The following G3BP1 variants were observed in gnomAD, a reference collection of about 807,000 sequenced individuals.
The protein encoded by G3BP1 is G3BP stress granule assembly factor 1, also known as ras GTPase-activating protein-binding protein 1.
In G3BP1, 35 loss-of-function variants were observed where a neutral mutation model predicts 58.6. That is an observed-to-expected ratio of 0.60 (90% confidence interval 0.46 to 0.79). The LOEUF is 0.79. Ranked by LOEUF, G3BP1 falls within the 30% of genes least tolerant of loss-of-function variation. The probability of loss-of-function intolerance (pLI) is 0.00; values close to 1 mark genes in which losing one functional copy is unlikely to be tolerated. For missense variants in G3BP1, 523 were observed against 580.8 expected (o/e 0.90, Z 1.02); for synonymous variants, 191 against 195.4 (o/e 0.98, Z 0.19).
intron 1 of G3BP1, among the ~76,000 whole-genome samples, chr5:151,786,249 A>G (rs1168853016): frequency 6.6e-6 from 1 of 152,226 alleles, no homozygotes; most frequent in African/African-American, 2.4e-5. Context: ...AGATCGCACC[A>G]CTGCACTCCA....
At position 151,810,783 on chromosome 5, in the gene G3BP1, A is replaced by G. The variant is rs1763007561; in HGVS notation, c.*6692A>G. ...CTGGAGATAGACCTTGAATTTAATAAATTTTAGGCACTATACCATTTCAGT... is the reference window on the plus strand; with the variant it reads ...CTGGAGATAGACCTTGAATTTAATAGATTTTAGGCACTATACCATTTCAGT... On this transcript the variant is annotated 3_prime_UTR_variant, in exon 12 of 12. Coordinates refer to ENST00000356245, the MANE Select transcript of G3BP1 (RefSeq NM_005754.3). The G allele has an allele frequency of 6.6e-6, 1 of 151,700 alleles. No individual in the cohort carries two copies. The highest frequency in any genetic ancestry group is 1.5e-5 in the Non-Finnish European group (1 of 67,988). 9.4% of individuals were successfully genotyped at this position (151,700 alleles called of 1,614,324 possible).
In G3BP1 at chr5:151,799,233, ACCAGTAAGAATCTTCCAC is replaced by A; in HGVS notation, c.769_786del (p.Lys257_Ser262del). The A allele has an allele frequency of 6.3e-7, 1 of 1,588,528 alleles. No individual in the cohort carries two copies. Among genetic ancestry groups the A allele is most frequent in the Non-Finnish European group, 8.6e-7 (1 of 1,156,696 alleles). Reference sequence around the variant, plus strand: ...TTAGACATTTTCTTGGGCATCTGTGACCAGTAAGAATCTTCCACCCAGTGGAGCTGTTCCAGTTACTGG... The same window carrying A: ...TTAGACATTTTCTTGGGCATCTGTGACCAGTGGAGCTGTTCCAGTTACTGG... On this transcript the variant is annotated inframe_deletion, in exon 8 of 12. Transcript: ENST00000356245.
At chr5:151,774,134 C>T (rs1459430126) in intron 1 of G3BP1, among the ~76,000 whole-genome samples, 1 of 152,176 alleles carries the variant, frequency 6.6e-6, no homozygotes, top group Non-Finnish European at 1.5e-5. Context: ...TGCCCTACAT[C>T]CCTACCAAGT....
chr5:151,786,780 T>G, intron 2 of G3BP1, 65 bp downstream of exon 2: 2 of 936,682 alleles, frequency 2.1e-6, no homozygotes, highest in Non-Finnish European at 3.5e-6. Flanking sequence ...ATCTTTGAGA[T>G]TCTCCCACTC....
intron 4 of G3BP1, chr5:151,792,036 AT>A: frequency 2.2e-6 from 1 of 447,238 alleles, no homozygotes; most frequent in Non-Finnish European, 4.5e-6. Flanking sequence ...ATGGCAAAAT[AT>A]TTTCCAGGTT....
Position 151,800,888 on chromosome 5 carries a change from TG to T in G3BP1, c.1194+20del. The T allele has an allele frequency of 1.6e-6, 2 of 1,234,848 alleles. No homozygotes were observed. Among genetic ancestry groups the T allele is most frequent in the Non-Finnish European group, 2.3e-6 (2 of 855,674 alleles). 76.5% of individuals were successfully genotyped at this position (1,234,848 alleles called of 1,614,324 possible). A position where few individuals can be genotyped will look rare whatever the true frequency, so the allele number is the denominator to read the frequency against. Reference sequence around the variant, plus strand: ...CAACAGGGTAAGCAGCTTTTTGTCTTGATTTTTTTTTTTTTTTTTTAAAAAG... The same window carrying T: ...CAACAGGGTAAGCAGCTTTTTGTCTTATTTTTTTTTTTTTTTTTTAAAAAG... On this transcript the variant is annotated intron_variant, in intron 11 of 11. Coordinates refer to ENST00000356245, the MANE Select transcript of G3BP1 (RefSeq NM_005754.3).
Position 151,794,021 on chromosome 5 carries a change from A to G in G3BP1, c.352-138A>G, listed in dbSNP as rs537243450. 9 of 596,000 alleles carry G rather than the reference A, an allele frequency of 1.5e-5. No homozygotes were observed. In the South Asian group the frequency reaches 1.6e-4, roughly 11 times the overall value. The allele number at this position is 596,000 out of a possible 1,614,324, so 36.9% of individuals were successfully genotyped here. On this transcript the variant is annotated intron_variant, in intron 4 of 11. Coordinates refer to ENST00000356245, the MANE Select transcript of G3BP1 (RefSeq NM_005754.3). ...GCAAGACCCTGTCTCAGAACCCCAC[A>G]ACAACAAAAACTGAAATGTCTCCAG... is the stretch of plus-strand genomic sequence containing the variant.
chr5:151,774,024 C>A (rs533382229), intron 1 of G3BP1, among the ~76,000 whole-genome samples: 5 of 152,182 alleles, frequency 3.3e-5, no homozygotes, highest in Non-Finnish European at 7.3e-5. Flanking sequence ...ATGAAAATTA[C>A]GTGATTATTT....
rs905419087 is a variant in G3BP1 at position 151,811,067 on chromosome 5, C to T, written c.*6976C>T. ...ATCTGCTTCCATTTTTGTTATTCCC[C>T]ACATCCAGTCTTCAGCTAAGTCCTG... On this transcript the variant is annotated 3_prime_UTR_variant, in exon 12 of 12. Transcript: ENST00000356245. 1 of 152,184 alleles carries T rather than the reference C, an allele frequency of 6.6e-6. No homozygotes were observed. The highest frequency in any genetic ancestry group is 2.4e-5 in the African/African-American group (1 of 41,438). The allele number at this position is 152,184 out of a possible 1,614,324, so 9.4% of individuals were successfully genotyped here.
In G3BP1 at chr5:151,812,145, AT is replaced by A. The variant is rs879814293; in HGVS notation, c.*8057del. The A allele has an allele frequency of 2.6e-5, 4 of 152,194 alleles. No individual in the cohort carries two copies. Among genetic ancestry groups the A allele is most frequent in the Admixed American group, 2.6e-4 (4 of 15,268 alleles). The allele number at this position is 152,194 out of a possible 1,614,324, so 9.4% of individuals were successfully genotyped here. On this transcript the variant is annotated 3_prime_UTR_variant, in exon 12 of 12. Transcript: ENST00000356245. ...AGCACATTTTCTACATCCCCAAAGT[AT>A]TTGGAATCACAGCATTGTAACTTGT...
intron 7 of G3BP1, among the ~76,000 whole-genome samples, chr5:151,798,655 A>T (rs926358345): frequency 6.6e-6 from 1 of 152,210 alleles, no homozygotes; most frequent in Admixed American, 6.5e-5. Context: ...TTTGATTCAC[A>T]GATTTGAATG....
intron 4 of G3BP1, 73 bp from the exon 5 acceptor site, chr5:151,794,086 C>A: frequency 2.3e-6 from 2 of 872,944 alleles, no homozygotes; most frequent in South Asian, 2.7e-5. Context: ...TTGTCCCAGT[C>A]ACCAATGGTG....
At chr5:151,791,880 C>T in intron 4 of G3BP1, 1 of 333,796 alleles carries the variant, frequency 3.0e-6, no homozygotes, top group Non-Finnish European at 5.8e-6. Flanking sequence ...TGGTCTCTAA[C>T]TCCTGACCTC....
intron 1 of G3BP1, among the ~76,000 whole-genome samples, chr5:151,784,955 T>C (rs901487405): frequency 7.2e-5 from 11 of 152,222 alleles, no homozygotes; most frequent in African/African-American, 2.7e-4. Flanking sequence ...AAAATTTGGT[T>C]TGACTAACAG....
intron 1 of G3BP1, among the ~76,000 whole-genome samples, chr5:151,782,604 A>G (rs1478452584): frequency 3.9e-5 from 6 of 152,174 alleles, no homozygotes; most frequent in Admixed American, 2.6e-4. Flanking sequence ...TAGTTGTAGA[A>G]ATTTTAAAAA....
At chr5:151,783,816 G>A (rs1243929707) in intron 1 of G3BP1, among the ~76,000 whole-genome samples, 1 of 152,230 alleles carries the variant, frequency 6.6e-6, no homozygotes, top group East Asian at 1.9e-4. Context: ...AGGCTGGAGT[G>A]CAGTAGTGCG....
At chr5:151,792,455 T>C (rs1762675250) in intron 4 of G3BP1, among the ~76,000 whole-genome samples, 1 of 152,236 alleles carries the variant, frequency 6.6e-6, no homozygotes, top group South Asian at 2.1e-4. Flanking sequence ...CTTCTAAATA[T>C]GCAAAGAATC....
intron 7 of G3BP1, among the ~76,000 whole-genome samples, chr5:151,797,848 T>C (rs1344253234): frequency 6.6e-6 from 1 of 152,264 alleles, no homozygotes; most frequent in African/African-American, 2.4e-5. Flanking sequence ...AACTTTATAG[T>C]GGAAGTAGAA....
chr5:151,776,897 C>CTTT (rs199646127), intron 1 of G3BP1, among the ~76,000 whole-genome samples: 41 of 130,572 alleles, frequency 3.1e-4, no homozygotes, highest in African/African-American at 1.1e-3. Context: ...GTTGTTCCAG[C>CTTT]TTTTTTTTTT....
Sources: gnomAD v4.1 joint callset for allele counts (sites outside exome capture counted in the v4.1 genomes callset) on GRCh38, gnomAD v4.1.1 for gene constraint, MANE v1.5 for transcripts, NCBI Gene and HGNC (gene_info 2026-07-23, HGNC 2026-07-21) for gene names.